TBC1D30: variants seen among roughly 807,000 people sequenced by gnomAD.
TBC1D30 encodes TBC1 domain family member 30.
A neutral mutation model predicts 63.2 loss-of-function variants in TBC1D30; 31 were observed. The observed-to-expected ratio is 0.49, with a 90% CI of 0.37 to 0.66. The LOEUF (loss-of-function observed/expected upper bound fraction) is 0.66, where lower values mean the gene tolerates loss of function less well. Ranked by LOEUF, TBC1D30 falls within the 30% of genes least tolerant of loss-of-function variation. The pLI is 0.00. For synonymous variants in TBC1D30, 307 were observed against 361.5 expected, an observed-to-expected ratio of 0.85 and a Z score of 1.71; for missense variants, 810 against 953.6, an observed-to-expected ratio of 0.85 and a Z score of 1.98.
rs1248152090 is a variant in TBC1D30 at position 64,781,288 on chromosome 12, T to G, written c.478+2T>G. 1.8e-6 allele frequency: 2 copies of G among 1,129,222 alleles called. No individual in the cohort carries two copies. Among genetic ancestry groups the G allele is most frequent in the Non-Finnish European group, 2.2e-6 (2 of 910,414 alleles). The allele number at this position is 1,129,222 out of a possible 1,614,324, so 70.0% of individuals were successfully genotyped here. A position where few individuals can be genotyped will look rare whatever the true frequency, so the allele number is the denominator to read the frequency against. ...AGATGCTGTACCTGCGGCAGAAAGGTGAGGGCCGGGCGCAGCAGGGTCCCG... is the reference window on the plus strand; with the variant it reads ...AGATGCTGTACCTGCGGCAGAAAGGGGAGGGCCGGGCGCAGCAGGGTCCCG... On this transcript the variant is annotated splice_donor_variant, in intron 1 of 12. Transcript: ENST00000542120. LOFTEE classifies it high-confidence loss of function.
chr12:64,863,488 T>G (rs780757158), intron 8 of TBC1D30, among the ~76,000 whole-genome samples: 4 of 152,224 alleles, frequency 2.6e-5, no homozygotes, highest in Non-Finnish European at 4.4e-5. Context: ...ATAAGACAGC[T>G]TAGAGATTAT....
At chr12:64,829,480 G>A (rs1209261845) in intron 3 of TBC1D30, among the ~76,000 whole-genome samples, 4 of 152,132 alleles carry the variant, frequency 2.6e-5, no homozygotes, top group Non-Finnish European at 5.9e-5. Flanking sequence ...TCAGATGGGA[G>A]GAGTAGGTGA....
chr12:64,856,067 T>C lies in TBC1D30; in HGVS notation c.1039-8601T>C, dbSNP rs147041861. Among the ~76,000 whole-genome samples the C allele has an allele frequency of 6.8e-4, 104 of 152,256 alleles. No individual in the cohort carries two copies. In the South Asian group the frequency reaches 8.5e-3, roughly 12 times the overall value. On this transcript the variant is annotated intron_variant, in intron 8 of 11. Transcript: ENST00000539867. The stretch of plus-strand genomic sequence containing the variant: ...TAAGCAGCATGACCCTGGCATCTGC[T>C]TGGCTTCTGTGGAGGCCCAGGGAGC...
intron 6 of TBC1D30, 90 bp downstream of exon 6, chr12:64,836,748 A>G: frequency 8.1e-7 from 1 of 1,229,942 alleles, no homozygotes; most frequent in Non-Finnish European, 1.1e-6. Context: ...GGAAATATGT[A>G]TTTCCAGCTA....
chr12:64,818,053 ACT>A (rs1311500966), intron 2 of TBC1D30, among the ~76,000 whole-genome samples: 1 of 114,234 alleles, frequency 8.8e-6, no homozygotes, highest in African/African-American at 3.2e-5. Context: ...ACAGAGTGAG[ACT>A]CTACCAAAAA....
At chr12:64,841,217 A>G (rs922166194) in intron 7 of TBC1D30, among the ~76,000 whole-genome samples, 6 of 152,188 alleles carry the variant, frequency 3.9e-5, no homozygotes, top group African/African-American at 1.4e-4. Context: ...CATGTGCCTT[A>G]TATATGGTGA....
chr12:64,810,991 C>T (rs1873183561), intron 2 of TBC1D30, among the ~76,000 whole-genome samples: 1 of 152,216 alleles, frequency 6.6e-6, no homozygotes, highest in African/African-American at 2.4e-5. Flanking sequence ...GCCATTCTGA[C>T]TCACCTGGAT....
chr12:64,826,443 C>A (rs1874355745), intron 1 of TBC1D30, among the ~76,000 whole-genome samples: 1 of 152,124 alleles, frequency 6.6e-6, no homozygotes, highest in African/African-American at 2.4e-5. Context: ...TAAGTCAGCG[C>A]GGGACCGAAT....
intron 8 of TBC1D30, among the ~76,000 whole-genome samples, chr12:64,854,321 A>G (rs1042540716): frequency 1.3e-5 from 2 of 152,132 alleles, no homozygotes; most frequent in Non-Finnish European, 2.9e-5. Context: ...ACTGATGGCA[A>G]CGTAACACTG....
At chr12:64,855,630 C>T (rs930802875) in intron 8 of TBC1D30, among the ~76,000 whole-genome samples, 2 of 152,146 alleles carry the variant, frequency 1.3e-5, no homozygotes, top group Non-Finnish European at 2.9e-5. Flanking sequence ...CATTGTTCAG[C>T]GTGTCGATTG....
At chr12:64,860,470 C>CT (rs536996011) in intron 8 of TBC1D30, among the ~76,000 whole-genome samples, 6,646 of 148,228 alleles carry the variant, frequency 0.045, 466 homozygotes, top group African/African-American at 0.15. Context: ...AAGTATATTA[C>CT]TTTTTTTTTT....
At chr12:64,792,797 C>T (rs891138411) in intron 2 of TBC1D30, among the ~76,000 whole-genome samples, 10 of 152,098 alleles carry the variant, frequency 6.6e-5, no homozygotes, top group African/African-American at 2.4e-4. Context: ...TGGTCTTAAA[C>T]CCATGACCTC....
intron 1 of TBC1D30, among the ~76,000 whole-genome samples, chr12:64,771,902 A>T (rs1870918165): frequency 2.0e-5 from 3 of 152,154 alleles, no homozygotes; most frequent in African/African-American, 7.2e-5. Flanking sequence ...AAGGAAGAAG[A>T]TCAGAAGATT....
At chr12:64,764,386 A>G (rs1409270002) in intron 1 of TBC1D30, among the ~76,000 whole-genome samples, 1 of 152,196 alleles carries the variant, frequency 6.6e-6, no homozygotes, top group Non-Finnish European at 1.5e-5. Flanking sequence ...TATAGGAACA[A>G]TAGTACTTTT....
chr12:64,847,323 C>CA (rs1876480301), intron 8 of TBC1D30, among the ~76,000 whole-genome samples: 2 of 151,338 alleles, frequency 1.3e-5, no homozygotes, highest in South Asian at 2.1e-4. Context: ...TATATCTTTT[C>CA]AAAAAAACCA....
chr12:64,821,140 A>G (rs1873861811), upstream of TBC1D30, among the ~76,000 whole-genome samples: 1 of 152,224 alleles, frequency 6.6e-6, no homozygotes, highest in South Asian at 2.1e-4. Flanking sequence ...GACAGCCTAG[A>G]GTCTAGATGT....
chr12:64,856,998 C>G (rs1288632826), intron 8 of TBC1D30, among the ~76,000 whole-genome samples: 1 of 152,062 alleles, frequency 6.6e-6, no homozygotes, highest in Non-Finnish European at 1.5e-5. Context: ...GCAGTGGGCT[C>G]CCCACTGCCC....
At chr12:64,776,776 G>A (rs1871093382), upstream of TBC1D30, among the ~76,000 whole-genome samples, 1 of 152,148 alleles carries the variant, frequency 6.6e-6, no homozygotes, top group African/African-American at 2.4e-5. Context: ...GCATCATCCT[G>A]AAACAAAACC....
At chr12:64,859,693 G>A (rs945913372) in intron 8 of TBC1D30, among the ~76,000 whole-genome samples, 5 of 152,194 alleles carry the variant, frequency 3.3e-5, no homozygotes, top group Non-Finnish European at 7.3e-5. Flanking sequence ...TTTCTGAGGG[G>A]AGGAGGATGG....
Sources: gnomAD v4.1 joint callset for allele counts (sites outside exome capture counted in the v4.1 genomes callset) on GRCh38, gnomAD v4.1.1 for gene constraint, MANE v1.5 for transcripts, NCBI Gene and HGNC (gene_info 2026-07-23, HGNC 2026-07-21) for gene names.